HEATR4: variants seen among roughly 807,000 people sequenced by gnomAD.
HEATR4 encodes HEAT repeat-containing protein 4.
HEATR4 carries 95 observed loss-of-function variants against 108.8 expected under a neutral mutation model. The observed-to-expected ratio is 0.87, with a 90% CI of 0.74 to 1.04. The LOEUF (loss-of-function observed/expected upper bound fraction) is 1.04. Ranked by LOEUF, HEATR4 falls within the 50% of genes least tolerant of loss-of-function variation. HEATR4 has a pLI of 0.00. For synonymous variants in HEATR4, 443 were observed against 459.4 expected (o/e 0.96, Z 0.46); for missense variants, 1,152 against 1,253.8 (o/e 0.92, Z 1.23).
chr14:73,619,697 A>C, the HEATR4 span: 1 of 1,614,100 alleles, frequency 6.2e-7, no homozygotes, highest in Admixed American at 1.7e-5. Flanking sequence ...GCTTCTGTGC[A>C]CGCTGTTTTG....
chr14:73,528,077 A>G (rs1888452898), intron 2 of HEATR4, among the ~76,000 whole-genome samples: 1 of 151,856 alleles, frequency 6.6e-6, no homozygotes, highest in Admixed American at 6.6e-5. Flanking sequence ...AAAGAATACC[A>G]TATTACCATT....
At chr14:73,569,662 G>C in the HEATR4 span, 1 of 1,607,202 alleles carries the variant, frequency 6.2e-7, no homozygotes, top group Admixed American at 1.7e-5. Flanking sequence ...GAGCCCATGG[G>C]GCTGCTCTGG....
intron 17 of HEATR4, among the ~76,000 whole-genome samples, chr14:73,485,625 C>T (rs1885422569): frequency 6.6e-6 from 1 of 152,122 alleles, no homozygotes; most frequent in Admixed American, 6.6e-5. Context: ...GTAATCCCAG[C>T]ACTTTGGGAG....
the HEATR4 span, chr14:73,581,572 T>C: frequency 2.0e-5 from 3 of 150,990 alleles, no homozygotes; most frequent in Non-Finnish European, 4.4e-5. Context: ...GCCCTGGGCC[T>C]CAGGCTTCAA....
At chr14:73,502,494 C>T (rs968558568) in intron 11 of HEATR4, among the ~76,000 whole-genome samples, 1 of 151,988 alleles carries the variant, frequency 6.6e-6, no homozygotes, top group Non-Finnish European at 1.5e-5. Flanking sequence ...GGACCTGGTC[C>T]AGGGTCCGTA....
upstream of HEATR4, among the ~76,000 whole-genome samples, chr14:73,561,729 A>T (rs564145100): frequency 1.4e-3 from 214 of 152,174 alleles, 4 homozygotes; most frequent in Admixed American, 2.4e-3. Flanking sequence ...CATGCCTATG[A>T]TCCCAGCACT....
Position 73,537,994 on chromosome 14 carries a change from C to G in HEATR4, c.-151-7750G>C. On this transcript the variant is annotated intron_variant, in intron 1 of 17. Transcript: ENST00000553558. ...CGCTCTTTTCGCTTGTGTGTGTGTC[C>G]CTCCTCCCGCCCCACCACCACCACC... The G allele has an allele frequency of 3.4e-6, 3 of 883,340 alleles. 1 individual carries two copies. Among genetic ancestry groups the G allele is most frequent in the Non-Finnish European group, 4.4e-6 (3 of 677,486 alleles). The allele number at this position is 883,340 out of a possible 1,614,324, so 54.7% of individuals were successfully genotyped here.
intron 1 of HEATR4, among the ~76,000 whole-genome samples, chr14:73,550,671 A>G (rs1288987457): frequency 8.9e-6 from 1 of 111,980 alleles, no homozygotes; most frequent in Non-Finnish European, 1.9e-5. Flanking sequence ...CACAGTATAC[A>G]GTCCATTCTG....
chr14:73,505,602 G>T (rs1243167314), intron 10 of HEATR4, among the ~76,000 whole-genome samples: 1 of 151,828 alleles, frequency 6.6e-6, no homozygotes, highest in Non-Finnish European at 1.5e-5. Flanking sequence ...CACTATGTTG[G>T]CCAGGCTGGT....
chr14:73,506,804 G>GGTTTT (rs1555390529), intron 9 of HEATR4, among the ~76,000 whole-genome samples: 1 of 80,522 alleles, frequency 1.2e-5, no homozygotes, highest in African/African-American at 4.9e-5. Context: ...GACTTTAACT[G>GGTTTT]TTTTTTTTTT....
the HEATR4 span, chr14:73,619,601 A>C: frequency 6.2e-7 from 1 of 1,614,238 alleles, no homozygotes. Flanking sequence ...GAAAGGCTAC[A>C]AGCTCATGGG....
chr14:73,563,579 A>G (rs1468050043), upstream of HEATR4, among the ~76,000 whole-genome samples: 1 of 152,036 alleles, frequency 6.6e-6, no homozygotes, highest in Admixed American at 6.6e-5. Context: ...TGGGGGATAG[A>G]GCGAGACTCC....
chr14:73,492,254 G>T lies in HEATR4; in HGVS notation c.2844+812C>A. 6.2e-7 allele frequency: 1 copy of T among 1,614,038 alleles called. No individual in the cohort carries two copies. The highest frequency in any genetic ancestry group is 8.5e-7 in the Non-Finnish European group (1 of 1,179,896). On this transcript the variant is annotated intron_variant, in intron 17 of 17. Coordinates refer to ENST00000553558, the MANE Select transcript of HEATR4 (RefSeq NM_001220484.1). The surrounding 1 kb of genome is among the most constrained non-coding windows in gnomAD (Gnocchi z 4.9). ...TCACCAAGCTGAATGCCAGGATGGA[G>T]TCCACTCTCTGCACCTCACCTTGTC...
chr14:73,512,144 CTA>C lies in HEATR4; in HGVS notation c.1418_1419del (p.Ile473ArgfsTer5). 1 of 1,614,114 alleles carries C rather than the reference CTA, an allele frequency of 6.2e-7. No homozygotes were observed. Among genetic ancestry groups the C allele is most frequent in the Non-Finnish European group, 8.5e-7 (1 of 1,180,006 alleles). On this transcript the variant is annotated frameshift_variant, in exon 7 of 18. Transcript: ENST00000553558. LOFTEE classifies it high-confidence loss of function. The part of the protein sequence containing the change: ...KEWKTAWALI[I>X]EWHHETVENL... ...TTCTCTACTGTCTCATGGTGCCACT[CTA>C]TGACTGAGCCGCAGTGAGGGAAATG...
the HEATR4 span, among the ~76,000 whole-genome samples, chr14:73,621,058 A>C: frequency 6.6e-6 from 1 of 151,912 alleles, no homozygotes; most frequent in African/African-American, 2.4e-5. Flanking sequence ...CTAAAAATAC[A>C]AAAAATTAGC....
intron 5 of HEATR4, among the ~76,000 whole-genome samples, chr14:73,518,507 TAG>T (rs1361127746): frequency 2.0e-5 from 3 of 151,856 alleles, no homozygotes; most frequent in Non-Finnish European, 4.4e-5. Flanking sequence ...TCATGGGAAA[TAG>T]AGTCTTGTGG....
the HEATR4 span, among the ~76,000 whole-genome samples, chr14:73,626,966 A>G: frequency 2.0e-5 from 3 of 151,110 alleles, no homozygotes; most frequent in Non-Finnish European, 4.4e-5. Context: ...TAATTTTTGT[A>G]TTTTTAGTAG....
At chr14:73,576,228 A>C in the HEATR4 span, among the ~76,000 whole-genome samples, 32 of 151,952 alleles carry the variant, frequency 2.1e-4, no homozygotes, top group Non-Finnish European at 3.7e-4. Context: ...ACATAATATA[A>C]AAAGTGTATC....
chr14:73,579,803 A>G, the HEATR4 span, among the ~76,000 whole-genome samples: 10 of 151,986 alleles, frequency 6.6e-5, no homozygotes, highest in African/African-American at 2.2e-4. Flanking sequence ...TTTAAAGTGT[A>G]TAACATGGAC....
Sources: allele counts gnomAD v4.1 joint callset (sites outside exome capture counted in the v4.1 genomes callset), GRCh38; gene constraint gnomAD v4.1.1; non-coding constraint Gnocchi (gnomAD v3.1); transcripts MANE v1.5; gene names NCBI Gene and HGNC (gene_info 2026-07-23, HGNC 2026-07-21).